KIF6: variants seen among roughly 807,000 people sequenced by gnomAD.
The protein encoded by KIF6 is kinesin family member 6.
Under a neutral mutation model 112.7 loss-of-function variants are expected in KIF6, and 106 were observed. The ratio of observed to expected loss-of-function variants is 0.94; its 90% confidence interval spans 0.80 to 1.11. The LOEUF (loss-of-function observed/expected upper bound fraction) is 1.11. KIF6 is among the 50% of genes least tolerant of loss of function. KIF6 has a pLI of 0.00. For missense variants in KIF6, 929 were observed against 964.0 expected (o/e 0.96, Z 0.48); for synonymous variants, 339 against 339.9 (o/e 1.00, Z 0.03).
At chr6:39,602,761 G>A (rs1357116518) in intron 6 of KIF6, among the ~76,000 whole-genome samples, 1 of 152,122 alleles carries the variant, frequency 6.6e-6, no homozygotes, top group Non-Finnish European at 1.5e-5. Flanking sequence ...TGATTCCAGA[G>A]CTCTTAATCA....
At chr6:39,401,103 G>A (rs1412165508) in intron 15 of KIF6, among the ~76,000 whole-genome samples, 1 of 152,226 alleles carries the variant, frequency 6.6e-6, no homozygotes, top group Non-Finnish European at 1.5e-5. Flanking sequence ...CGTACATGAA[G>A]AAGAGATAAG....
intron 13 of KIF6, among the ~76,000 whole-genome samples, chr6:39,439,687 C>T (rs1771789771): frequency 1.3e-5 from 2 of 152,138 alleles, no homozygotes; most frequent in South Asian, 4.1e-4. Flanking sequence ...CCCTTACCCA[C>T]TTCTTAATGC....
chr6:39,427,208 C>T (rs1770832821), intron 14 of KIF6, among the ~76,000 whole-genome samples: 1 of 152,160 alleles, frequency 6.6e-6, no homozygotes, highest in Non-Finnish European at 1.5e-5. Flanking sequence ...CATCTTCCCA[C>T]AGTTGGGCCA....
chr6:39,706,469 T>C (rs537025928), intron 3 of KIF6, among the ~76,000 whole-genome samples: 1 of 152,340 alleles, frequency 6.6e-6, no homozygotes, highest in Non-Finnish European at 1.5e-5. Context: ...CATCATCTTG[T>C]ATAATTACAT....
intron 21 of KIF6, among the ~76,000 whole-genome samples, chr6:39,344,056 C>T (rs1763523184): frequency 6.6e-6 from 1 of 152,178 alleles, no homozygotes; most frequent in Non-Finnish European, 1.5e-5. Flanking sequence ...TGTGTCCTCA[C>T]CCAAATCTCA....
chr6:39,690,229 G>A (rs1230828003), intron 3 of KIF6: 1 of 152,072 alleles, frequency 6.6e-6, no homozygotes, highest in Non-Finnish European at 1.5e-5. Context: ...TTCCCGAAGG[G>A]AGTTTTCAAT....
At chr6:39,522,878 C>A (rs531130901) in intron 13 of KIF6, among the ~76,000 whole-genome samples, 1 of 152,254 alleles carries the variant, frequency 6.6e-6, no homozygotes, top group Admixed American at 6.5e-5. Flanking sequence ...TTCCTGGCTA[C>A]CCTTCTCCTT....
At position 39,333,873 on chromosome 6, in the gene KIF6, C is replaced by T. The variant is rs924742452; in HGVS notation, c.*2659G>A. 3 of 152,228 alleles carry T rather than the reference C, an allele frequency of 2.0e-5. No individual in the cohort carries two copies. Among genetic ancestry groups the T allele is most frequent in the African/African-American group, 7.2e-5 (3 of 41,458 alleles). 9.4% of individuals were successfully genotyped at this position (152,228 alleles called of 1,614,324 possible). A position where few individuals can be genotyped will look rare whatever the true frequency, so the allele number is the denominator to read the frequency against. On this transcript the variant is annotated 3_prime_UTR_variant, in exon 23 of 23. Coordinates refer to ENST00000287152, the MANE Select transcript of KIF6 (RefSeq NM_145027.6). ...CCAGAAAATGTTTTTGAAAATCCCA[C>T]ATTTTGGCCTAGAGTGAACTCAGAT...
At chr6:39,524,577 G>T (rs73732127) in intron 13 of KIF6, among the ~76,000 whole-genome samples, 2 of 151,996 alleles carry the variant, frequency 1.3e-5, no homozygotes, top group Non-Finnish European at 2.9e-5. Context: ...AAACCTGCCT[G>T]ATTTAAAGCC....
intron 3 of KIF6, among the ~76,000 whole-genome samples, chr6:39,681,803 G>A (rs780925020): frequency 6.6e-6 from 1 of 152,156 alleles, no homozygotes; most frequent in African/African-American, 2.4e-5. Context: ...CTATAACAAA[G>A]CCAATAGCAT....
intron 16 of KIF6, among the ~76,000 whole-genome samples, chr6:39,377,935 G>A (rs1766582728): frequency 6.6e-6 from 1 of 152,130 alleles, no homozygotes. Context: ...GGAGGGAGGT[G>A]GAAAGAGGGG....
intron 13 of KIF6, among the ~76,000 whole-genome samples, chr6:39,479,503 T>C (rs1465020755): frequency 6.6e-6 from 1 of 152,194 alleles, no homozygotes; most frequent in Non-Finnish European, 1.5e-5. Context: ...ACTGTGGCCT[T>C]ACAGTATAGT....
In KIF6 at chr6:39,688,196, G is replaced by C. The variant is rs141291155; in HGVS notation, c.251+26496C>G. On this transcript the variant is annotated intron_variant, in intron 3 of 22. Transcript: ENST00000287152. ...TTTTGAGTTCACTGTCCTCCCCTCT[G>C]ATCTCCTGCTGGGGTTTCCCATTGG... 8.5e-5 allele frequency among the ~76,000 whole-genome samples: 13 copies of C among 152,288 alleles called. No individual in the cohort carries two copies. The East Asian group carries it at 2.5e-3, about 29-fold the overall frequency.
chr6:39,491,369 T>C (rs1307847761), intron 13 of KIF6, among the ~76,000 whole-genome samples: 1 of 152,046 alleles, frequency 6.6e-6, no homozygotes, highest in African/African-American at 2.4e-5. Flanking sequence ...CTTCACATTG[T>C]TCCAGGTCCA....
intron 17 of KIF6, 81 bp from the exon 18 acceptor site, chr6:39,360,611 CCGTGCCT>C: frequency 6.5e-7 from 1 of 1,542,754 alleles, no homozygotes; most frequent in Non-Finnish European, 8.9e-7. Context: ...TGAATGGGGC[CCGTGCCT>C]CAGAATCCCG....
At chr6:39,350,473 G>C (rs1422142936) in intron 19 of KIF6, among the ~76,000 whole-genome samples, 2 of 152,124 alleles carry the variant, frequency 1.3e-5, no homozygotes, top group Non-Finnish European at 2.9e-5. Flanking sequence ...CACCTGTAAA[G>C]TGGGGGACCA....
chr6:39,672,877 G>A (rs1786908612), intron 3 of KIF6, among the ~76,000 whole-genome samples: 1 of 152,154 alleles, frequency 6.6e-6, no homozygotes, highest in South Asian at 2.1e-4. Flanking sequence ...TATGAATGGA[G>A]GAGTAGAGAG....
chr6:39,416,791 C>T (rs1021220918), intron 15 of KIF6, among the ~76,000 whole-genome samples: 14 of 152,160 alleles, frequency 9.2e-5, no homozygotes, highest in African/African-American at 3.4e-4. Context: ...ACAAACTACC[C>T]GAGGAGACAG....
Position 39,362,540 on chromosome 6 carries a change from G to A in KIF6, c.1862-22C>T, listed in dbSNP as rs778402546. 16 of 1,537,278 alleles carry A rather than the reference G, an allele frequency of 1.0e-5. No homozygotes were observed. The East Asian group carries it at 3.6e-4, about 35-fold the overall frequency. On this transcript the variant is annotated intron_variant, in intron 16 of 22. Transcript: ENST00000287152. The stretch of plus-strand genomic sequence containing the variant: ...ATTCCTGTAGAAGGAAGGTGCCAAT[G>A]GGATGGTGAGAAAGAAGGGTAAAAG...
Sources: gnomAD v4.1 joint callset for allele counts (sites outside exome capture counted in the v4.1 genomes callset) on GRCh38, gnomAD v4.1.1 for gene constraint, MANE v1.5 for transcripts, NCBI Gene and HGNC (gene_info 2026-07-23, HGNC 2026-07-21) for gene names.